TGFA: variants seen among roughly 807,000 people sequenced by gnomAD.
TGFA encodes the protein protransforming growth factor alpha.
Under a neutral mutation model 21.7 loss-of-function variants are expected in TGFA, and 12 were observed. The ratio of observed to expected loss-of-function variants is 0.55; its 90% CI spans 0.35 to 0.90. The LOEUF (loss-of-function observed/expected upper bound fraction) is 0.90. TGFA is among the 40% of genes least tolerant of loss of function. TGFA has a pLI of 0.01. For missense variants in TGFA, 178 were observed against 210.8 expected, an observed-to-expected ratio of 0.84 and a Z score of 0.96; for synonymous variants, 79 against 88.1, an observed-to-expected ratio of 0.90 and a Z score of 0.58.
At chr2:70,514,669 C>T (rs1441178649) in intron 2 of TGFA, among the ~76,000 whole-genome samples, 190 bp downstream of exon 2, 1 of 152,118 alleles carries the variant, frequency 6.6e-6, no homozygotes, top group South Asian at 2.1e-4. Flanking sequence ...GGAACAGCCC[C>T]CCCTTGGGCC....
chr2:70,487,791 A>G (rs530533042), intron 2 of TGFA, among the ~76,000 whole-genome samples: 27 of 152,352 alleles, frequency 1.8e-4, no homozygotes, highest in Non-Finnish European at 2.5e-4. Flanking sequence ...ATGAAACCGA[A>G]TATCCTTCTA....
chr2:70,448,359 C>T lies in TGFA; in HGVS notation c.*2500G>A, dbSNP rs2103640671. 6.6e-6 allele frequency: 1 copy of T among 152,220 alleles called. No homozygotes were observed. The highest frequency in any genetic ancestry group is 6.5e-5 in the Admixed American group (1 of 15,286). 9.4% of individuals were successfully genotyped at this position (152,220 alleles called of 1,614,324 possible). A position where few individuals can be genotyped will look rare whatever the true frequency, so the allele number is the denominator to read the frequency against. ...GGGGGCTTTTCATTGTCTCCTGAGC[C>T]ATTGGAAACAGCGATGCTCCCCACT... On this transcript the variant is annotated 3_prime_UTR_variant, in exon 6 of 6. Coordinates refer to ENST00000295400, the MANE Select transcript of TGFA (RefSeq NM_003236.4).
chr2:70,470,629 A>G (rs1284641970), intron 2 of TGFA, among the ~76,000 whole-genome samples: 1 of 152,202 alleles, frequency 6.6e-6, no homozygotes, highest in East Asian at 1.9e-4. Flanking sequence ...AGAAGCCAGA[A>G]GAGTCCAAGC....
intron 2 of TGFA, among the ~76,000 whole-genome samples, chr2:70,470,799 G>A (rs899958491): frequency 2.0e-5 from 3 of 152,188 alleles, no homozygotes; most frequent in African/African-American, 7.2e-5. Context: ...AAAGGGCAGA[G>A]AGGATGAAGG....
At chr2:70,461,340 G>A (rs570156438) in intron 3 of TGFA, among the ~76,000 whole-genome samples, 3 of 152,258 alleles carry the variant, frequency 2.0e-5, no homozygotes, top group African/African-American at 4.8e-5. Context: ...AAGGGGGCTC[G>A]AGTACCAACA....
chr2:70,490,932 G>C (rs1168202307), intron 2 of TGFA, among the ~76,000 whole-genome samples: 6 of 152,102 alleles, frequency 3.9e-5, no homozygotes, highest in Non-Finnish European at 8.8e-5. Context: ...TCATAAAATT[G>C]ACTCAGAAAA....
intron 1 of TGFA, among the ~76,000 whole-genome samples, chr2:70,551,084 A>G (rs1156322728): frequency 6.6e-6 from 1 of 152,044 alleles, no homozygotes; most frequent in Non-Finnish European, 1.5e-5. Flanking sequence ...AATGATGATG[A>G]TGATAAGATT....
At chr2:70,495,271 T>C (rs2103797021) in intron 2 of TGFA, among the ~76,000 whole-genome samples, 1 of 152,388 alleles carries the variant, frequency 6.6e-6, no homozygotes, top group South Asian at 2.1e-4. Context: ...CCATGCTGGC[T>C]CATGAATGTG....
chr2:70,499,345 C>T (rs917135340), intron 2 of TGFA, among the ~76,000 whole-genome samples: 1 of 152,204 alleles, frequency 6.6e-6, no homozygotes, highest in East Asian at 1.9e-4. Flanking sequence ...TGATGGATCC[C>T]ACTTGCTGAT....
At chr2:70,452,819 T>A (rs1670099188) in intron 5 of TGFA, among the ~76,000 whole-genome samples, 1 of 152,098 alleles carries the variant, frequency 6.6e-6, no homozygotes, top group South Asian at 2.1e-4. Flanking sequence ...GTGGGCAGCC[T>A]GTAATCCCAG....
intron 2 of TGFA, among the ~76,000 whole-genome samples, chr2:70,498,183 C>G (rs1671631711): frequency 6.6e-6 from 1 of 152,248 alleles, no homozygotes; most frequent in Non-Finnish European, 1.5e-5. Flanking sequence ...GCTGGTCTTA[C>G]CTATTGCATA....
chr2:70,451,314 G>A (rs541869468), intron 5 of TGFA, among the ~76,000 whole-genome samples: 1 of 152,334 alleles, frequency 6.6e-6, no homozygotes, highest in Admixed American at 6.5e-5. Context: ...TATCCTCTGT[G>A]TCTGTCGTGG....
chr2:70,516,526 G>A (rs540566433), intron 1 of TGFA, among the ~76,000 whole-genome samples: 1 of 149,946 alleles, frequency 6.7e-6, no homozygotes, highest in Admixed American at 6.5e-5. Flanking sequence ...TTGGGCTGGA[G>A]TTGGAGGCAG....
rs556193438 is a variant in TGFA, at chr2:70,541,015, A to G, written c.40+12713T>C. 5.9e-5 allele frequency among the ~76,000 whole-genome samples: 9 copies of G among 152,362 alleles called. 1 individual carries two copies. In the East Asian group the frequency reaches 1.7e-3, roughly 29 times the overall value. On this transcript the variant is annotated intron_variant, in intron 1 of 5. Transcript: ENST00000295400. ...TCACAACCATTCACACATAAACAAT[A>G]GAAGTATAAACGTGCACAGCTTTTC...
chr2:70,453,807 T>C (rs1321468686), intron 4 of TGFA, among the ~76,000 whole-genome samples: 6 of 152,158 alleles, frequency 3.9e-5, no homozygotes, highest in African/African-American at 1.2e-4. Context: ...GATGGCTGAA[T>C]TGACCCATGG....
At position 70,470,433 on chromosome 2, in the gene TGFA, G is replaced by A. The variant is rs150978809; in HGVS notation, c.95-4697C>T. Among the ~76,000 whole-genome samples, 11 of 152,300 alleles carry A rather than the reference G, an allele frequency of 7.2e-5. 1 individual carries two copies. The highest frequency in any genetic ancestry group is 2.6e-4 in the African/African-American group (11 of 41,570). On this transcript the variant is annotated intron_variant, in intron 2 of 5. Transcript: ENST00000295400. ...GAATATATATACTTGTTCTGCACAA[G>A]CTGGACAGGCTCAGCTTTCCCTAAG...
At chr2:70,507,227 T>A (rs555345555) in intron 2 of TGFA, among the ~76,000 whole-genome samples, 32 of 152,242 alleles carry the variant, frequency 2.1e-4, no homozygotes, top group Non-Finnish European at 3.8e-4. Flanking sequence ...CTGCACTCAG[T>A]GCACACTGGC....
chr2:70,476,595 C>T (rs182804041), intron 2 of TGFA, among the ~76,000 whole-genome samples: 1 of 152,350 alleles, frequency 6.6e-6, no homozygotes, highest in Admixed American at 6.5e-5. Flanking sequence ...GAACCATAAT[C>T]CCCTTAAACC....
At chr2:70,485,323 C>A (rs947376905) in intron 2 of TGFA, among the ~76,000 whole-genome samples, 1 of 152,156 alleles carries the variant, frequency 6.6e-6, no homozygotes, top group Non-Finnish European at 1.5e-5. Context: ...CTGCAACCCC[C>A]GCCTCCTGGG....
Sources: allele counts gnomAD v4.1 joint callset (sites outside exome capture counted in the v4.1 genomes callset), GRCh38; gene constraint gnomAD v4.1.1; transcripts MANE v1.5; gene names NCBI Gene and HGNC (gene_info 2026-07-23, HGNC 2026-07-21).